INTS4: variants seen among roughly 807,000 people sequenced by gnomAD.
INTS4 encodes the protein MSTP093.
INTS4 carries 70 observed loss-of-function variants against 119.5 expected under a neutral mutation model. The observed-to-expected ratio is 0.59, with a 90% CI of 0.48 to 0.71. The LOEUF is 0.71. INTS4 is among the 30% of genes least tolerant of loss of function. INTS4 has a pLI of 0.00. For synonymous variants in INTS4, 316 were observed against 419.6 expected (o/e 0.75, Z 3.02); for missense variants, 867 against 1,173.2 (o/e 0.74, Z 3.81).
At chr11:77,986,409 C>T (rs2136658963) in intron 2 of INTS4, among the ~76,000 whole-genome samples, 1 of 152,270 alleles carries the variant, frequency 6.6e-6, no homozygotes, top group East Asian at 1.9e-4. Flanking sequence ...TTAGTTCAAC[C>T]ATTGTGGAAG....
intron 11 of INTS4, among the ~76,000 whole-genome samples, chr11:77,925,421 T>C (rs1482963844): frequency 1.3e-5 from 2 of 152,172 alleles, no homozygotes; most frequent in African/African-American, 4.8e-5. Flanking sequence ...GCACATGCTA[T>C]TGGAAAAATG....
chr11:77,948,020 T>TC (rs909707135), intron 8 of INTS4, among the ~76,000 whole-genome samples: 3 of 152,100 alleles, frequency 2.0e-5, no homozygotes, highest in Admixed American at 6.6e-5. Flanking sequence ...ATTTCTTTTT[T>TC]CTTTATTTAG....
chr11:77,903,545 T>G lies in INTS4; in HGVS notation c.2092A>C (p.Lys698Gln). The G allele has an allele frequency of 6.2e-7, 1 of 1,613,730 alleles. No homozygotes were observed. Among genetic ancestry groups the G allele is most frequent in the Non-Finnish European group, 8.5e-7 (1 of 1,179,738 alleles). Residue 698 changes from lysine (K) to glutamine (Q), a missense_variant, in exon 17 of 23, where the codon AAA becomes CAA. Lys to Gln is a moderately conservative substitution (Grantham distance 53). Around this residue, in one of 5 missense-constraint regions of INTS4, gnomAD observed 262 missense variants for 376.0 expected, o/e 0.70. Transcript: ENST00000534064. ...GAAGGTCTGAATAAGCTTACCTGTT[T>G]CGCTGCTGCTGAGGCCAAATCACTC... ...KQSDLASAAA[K>Q]QIMEETYKME... is the part of the protein sequence containing the mutation.
intron 5 of INTS4, 21 bp downstream of exon 5, chr11:77,960,932 A>G (rs780175528): frequency 1.3e-6 from 2 of 1,584,800 alleles, no homozygotes; most frequent in Non-Finnish European, 1.7e-6. Flanking sequence ...AGCCCCAACT[A>G]GTTTCCATAA....
At chr11:77,933,727 A>G (rs1033138092) in intron 10 of INTS4, among the ~76,000 whole-genome samples, 5 of 149,100 alleles carry the variant, frequency 3.4e-5, no homozygotes, top group East Asian at 2.0e-4. Context: ...GCCGCCCCCT[A>G]TGAGAAGTGA....
chr11:77,943,784 C>T (rs1452067771), intron 8 of INTS4, among the ~76,000 whole-genome samples: 1 of 152,158 alleles, frequency 6.6e-6, no homozygotes, highest in East Asian at 1.9e-4. Flanking sequence ...AATTTAGATA[C>T]AAGATATTTA....
rs188826070 is a variant in INTS4, at chr11:77,949,763, T to C, written c.918+6179A>G. On this transcript the variant is annotated intron_variant, in intron 8 of 22. Coordinates refer to ENST00000534064, the MANE Select transcript of INTS4 (RefSeq NM_033547.4). ...GAGAAACAGGAACACTTTCACACTG[T>C]TGGTGGGAGTGTAAATTAGTTCAGC... is the stretch of plus-strand genomic sequence containing the variant. Among the ~76,000 whole-genome samples the C allele has an allele frequency of 9.9e-5, 15 of 152,264 alleles. No individual in the cohort carries two copies. The East Asian group carries it at 1.7e-3, about 18-fold the overall frequency.
chr11:77,907,408 T>C (rs768973560), intron 16 of INTS4, among the ~76,000 whole-genome samples: 1 of 152,186 alleles, frequency 6.6e-6, no homozygotes, highest in Non-Finnish European at 1.5e-5. Flanking sequence ...AGTCTAAAAC[T>C]TCATACAATT....
At chr11:77,916,328 A>G (rs1953203551) in intron 15 of INTS4, among the ~76,000 whole-genome samples, 1 of 152,230 alleles carries the variant, frequency 6.6e-6, no homozygotes, top group African/African-American at 2.4e-5. Context: ...CCTAGGCTAT[A>G]TGGTATAGTC....
intron 7 of INTS4, among the ~76,000 whole-genome samples, chr11:77,956,931 T>C (rs1455345010): frequency 1.3e-5 from 2 of 152,026 alleles, no homozygotes; most frequent in African/African-American, 4.8e-5. Context: ...TTCAGTTGCA[T>C]TGCAAATTAT....
intron 21 of INTS4, among the ~76,000 whole-genome samples, chr11:77,887,249 G>C (rs1430370873): frequency 3.4e-4 from 52 of 152,152 alleles, no homozygotes; most frequent in Non-Finnish European, 8.8e-5. Context: ...TCATCCCTGG[G>C]ATGCAAGGCT....
At chr11:77,888,154 T>C (rs568081162) in intron 21 of INTS4, among the ~76,000 whole-genome samples, 252 of 152,226 alleles carry the variant, frequency 1.7e-3, no homozygotes, top group African/African-American at 5.6e-3. Flanking sequence ...GGAGGCATCA[T>C]GCTACCTGAC....
intron 14 of INTS4, 38 bp downstream of exon 14, chr11:77,921,302 C>T (rs1953355549): frequency 6.2e-7 from 1 of 1,602,670 alleles, no homozygotes; most frequent in South Asian, 1.1e-5. Flanking sequence ...CTACCCCATG[C>T]AAAATAAAAA....
At chr11:77,924,034 G>A (rs1304981885) in intron 12 of INTS4, among the ~76,000 whole-genome samples, 1 of 149,566 alleles carries the variant, frequency 6.7e-6, no homozygotes, top group Non-Finnish European at 1.5e-5. Flanking sequence ...CAAAGTGCTG[G>A]GATTATAGGC....
At chr11:77,930,495 C>T (rs1007091763) in intron 10 of INTS4, among the ~76,000 whole-genome samples, 1 of 152,144 alleles carries the variant, frequency 6.6e-6, no homozygotes, top group Non-Finnish European at 1.5e-5. Context: ...TCCATTACAC[C>T]ACACTGACTC....
intron 22 of INTS4, among the ~76,000 whole-genome samples, chr11:77,881,702 C>T (rs548255167): frequency 6.6e-6 from 1 of 152,274 alleles, no homozygotes; most frequent in East Asian, 1.9e-4. Context: ...ACACAGGCTA[C>T]TAAAACAATG....
chr11:77,917,079 G>A (rs1298866805), intron 15 of INTS4, among the ~76,000 whole-genome samples: 1 of 152,068 alleles, frequency 6.6e-6, no homozygotes, highest in Non-Finnish European at 1.5e-5. Context: ...AGTACAAAGC[G>A]CTGTTATCCA....
chr11:77,940,445 A>G (rs535269447), intron 9 of INTS4, among the ~76,000 whole-genome samples: 1 of 152,196 alleles, frequency 6.6e-6, no homozygotes, highest in South Asian at 2.1e-4. Flanking sequence ...AAAAAGAAGA[A>G]AAAATGGCGT....
intron 21 of INTS4, among the ~76,000 whole-genome samples, chr11:77,884,493 G>A (rs145861211): frequency 8.0e-4 from 122 of 152,284 alleles, no homozygotes; most frequent in Middle Eastern, 6.8e-3. Context: ...AGCATCCTGG[G>A]GGACCTCCCA....
Sources: allele counts gnomAD v4.1 joint callset (sites outside exome capture counted in the v4.1 genomes callset), GRCh38; gene constraint gnomAD v4.1.1; regional missense constraint gnomAD v4.1.1; transcripts MANE v1.5; gene names NCBI Gene and HGNC (gene_info 2026-07-23, HGNC 2026-07-21).